Variants in PTPRG observed in about 807,000 individuals in gnomAD.
PTPRG encodes receptor-type tyrosine-protein phosphatase gamma.
PTPRG carries 102 observed loss-of-function variants against 165.3 expected under a neutral mutation model. The ratio of observed to expected loss-of-function variants is 0.62; its 90% CI spans 0.53 to 0.73. The LOEUF (loss-of-function observed/expected upper bound fraction) is 0.73. PTPRG is among the 30% of genes least tolerant of loss of function. PTPRG has a pLI of 0.00. For missense variants in PTPRG, 1,866 were observed against 1,861.4 expected, an observed-to-expected ratio of 1.00 and a Z score of -0.05; for synonymous variants, 675 against 669.5, an observed-to-expected ratio of 1.01 and a Z score of -0.13.
chr3:62,225,811 C>A (rs572365819), intron 13 of PTPRG, among the ~76,000 whole-genome samples: 1 of 151,880 alleles, frequency 6.6e-6, no homozygotes, highest in African/African-American at 2.4e-5. Context: ...CCCACCACCA[C>A]GCCCAGCTAA....
Position 61,898,017 on chromosome 3 carries a change from T to C in PTPRG, c.191-91608T>C, listed in dbSNP as rs144757516. Among the ~76,000 whole-genome samples, 497 of 152,322 alleles carry C rather than the reference T, an allele frequency of 3.3e-3. 2 individuals carry two copies. Among genetic ancestry groups the C allele is most frequent in the African/African-American group, 9.7e-3 (402 of 41,576 alleles). On this transcript the variant is annotated intron_variant, in intron 2 of 29. Transcript: ENST00000474889. ...AAACAGAGATAGTTTTATTTCTTCT[T>C]TTTTTCTTTCTGTATGACTTTACTT...
intron 4 of PTPRG, among the ~76,000 whole-genome samples, chr3:62,068,849 G>C (rs1482873721): frequency 1.3e-5 from 2 of 152,156 alleles, no homozygotes; most frequent in Non-Finnish European, 1.5e-5. Context: ...ATAATTCCCT[G>C]TTACAGGGCA....
At chr3:61,821,416 G>T (rs373090192) in intron 2 of PTPRG, among the ~76,000 whole-genome samples, 1 of 152,226 alleles carries the variant, frequency 6.6e-6, no homozygotes, top group African/African-American at 2.4e-5. Context: ...TGATCCACCC[G>T]CCTCGGCCTC....
chr3:62,060,683 A>T (rs573142695), intron 4 of PTPRG, among the ~76,000 whole-genome samples: 1 of 152,362 alleles, frequency 6.6e-6, no homozygotes, highest in South Asian at 2.1e-4. Flanking sequence ...AAATATTTAC[A>T]AAAGAAATTC....
chr3:61,575,983 G>T (rs1700166531), intron 1 of PTPRG, among the ~76,000 whole-genome samples: 1 of 152,196 alleles, frequency 6.6e-6, no homozygotes, highest in Non-Finnish European at 1.5e-5. Flanking sequence ...TGAAACAAAA[G>T]TGTGCCTAAA....
chr3:61,808,051 G>A (rs558336171), intron 2 of PTPRG, among the ~76,000 whole-genome samples: 5 of 152,164 alleles, frequency 3.3e-5, no homozygotes, highest in Non-Finnish European at 7.3e-5. Context: ...CTGACTCTGT[G>A]TAATCCTATC....
chr3:61,908,740 C>G (rs2038722001), intron 2 of PTPRG, among the ~76,000 whole-genome samples: 1 of 152,050 alleles, frequency 6.6e-6, no homozygotes, highest in African/African-American at 2.4e-5. Context: ...AAGTTACCAC[C>G]AATCTACATA....
At chr3:62,016,900 C>T (rs763713962) in intron 4 of PTPRG, among the ~76,000 whole-genome samples, 1 of 152,186 alleles carries the variant, frequency 6.6e-6, no homozygotes, top group Non-Finnish European at 1.5e-5. Context: ...TCATTTCATG[C>T]TCTCTCCTCT....
At chr3:62,265,894 T>TACACACAC (rs1250968284) in intron 17 of PTPRG, among the ~76,000 whole-genome samples, 1 of 26,476 alleles carries the variant, frequency 3.8e-5, no homozygotes, top group African/African-American at 1.5e-4. Flanking sequence ...CTGTGCCTTA[T>TACACACAC]ATACACACAC....
At chr3:62,048,825 C>T (rs1700378062) in intron 4 of PTPRG, among the ~76,000 whole-genome samples, 2 of 152,268 alleles carry the variant, frequency 1.3e-5, no homozygotes, top group South Asian at 2.1e-4. Context: ...TTTTTCCCCT[C>T]CTGCGAGGAA....
At chr3:61,713,327 A>ATTTTTTTTTTTTTTTTTTTT (rs556907427) in intron 1 of PTPRG, among the ~76,000 whole-genome samples, 3 of 135,504 alleles carry the variant, frequency 2.2e-5, no homozygotes, top group Non-Finnish European at 4.8e-5. Flanking sequence ...CGCTCAGCTA[A>ATTTTTTTTTTTTTTTTTTTT]TTTTTTTTTT....
rs564890352 is a variant in PTPRG at position 61,696,223 on chromosome 3, C to T, written c.86-52655C>T. ...ATCTATTAAAAAATTCTAGCCAGGCCGGGCGCGGTGACTCACGCCTATAAT... is the reference window on the plus strand; with the variant it reads ...ATCTATTAAAAAATTCTAGCCAGGCTGGGCGCGGTGACTCACGCCTATAAT... On this transcript the variant is annotated intron_variant, in intron 1 of 29. Transcript: ENST00000474889. Among the ~76,000 whole-genome samples, 103 of 152,230 alleles carry T rather than the reference C, an allele frequency of 6.8e-4. 1 individual carries two copies. The highest frequency in any genetic ancestry group is 1.8e-3 in the African/African-American group (76 of 41,524).
At chr3:62,275,333 C>T (rs1191520741) in intron 23 of PTPRG, among the ~76,000 whole-genome samples, 6 of 105,942 alleles carry the variant, frequency 5.7e-5, no homozygotes, top group Admixed American at 3.4e-4. Flanking sequence ...TGTAGACTCA[C>T]GTAGGTCTTT....
chr3:61,985,144 C>T (rs1387596261), intron 2 of PTPRG, among the ~76,000 whole-genome samples: 1 of 152,216 alleles, frequency 6.6e-6, no homozygotes, highest in East Asian at 1.9e-4. Context: ...TTCTTCTTGC[C>T]AGAGGGGCGA....
intron 28 of PTPRG, among the ~76,000 whole-genome samples, chr3:62,288,453 T>G (rs1235839822): frequency 6.6e-6 from 1 of 152,060 alleles, no homozygotes; most frequent in Non-Finnish European, 1.5e-5. Context: ...GGCGGGCAGA[T>G]CACCAGGTCA....
chr3:61,923,390 A>C (rs2039128378), intron 2 of PTPRG, among the ~76,000 whole-genome samples: 1 of 151,590 alleles, frequency 6.6e-6, no homozygotes, highest in Non-Finnish European at 1.5e-5. Context: ...AAAAGCAGAC[A>C]CTCTTTTTTT....
chr3:61,601,896 A>G (rs9862251), intron 1 of PTPRG, among the ~76,000 whole-genome samples: 17,795 of 152,220 alleles, frequency 0.12, 1,162 homozygotes, highest in African/African-American at 0.17. Flanking sequence ...GTAAAGTTAA[A>G]AGTTAGGAGC....
chr3:61,824,468 G>A (rs2036050871), intron 2 of PTPRG, among the ~76,000 whole-genome samples: 1 of 152,216 alleles, frequency 6.6e-6, no homozygotes, highest in Non-Finnish European at 1.5e-5. Flanking sequence ...CCTTGCAGCA[G>A]GGAAAACCAT....
intron 2 of PTPRG, among the ~76,000 whole-genome samples, chr3:61,803,489 C>A (rs1383571710): frequency 7.9e-6 from 1 of 126,108 alleles, no homozygotes; most frequent in Non-Finnish European, 1.6e-5. Flanking sequence ...TCATGTTGTC[C>A]ATGTTGTCCA....
Sources: gnomAD v4.1 joint callset for allele counts (sites outside exome capture counted in the v4.1 genomes callset) on GRCh38, gnomAD v4.1.1 for gene constraint, MANE v1.5 for transcripts, NCBI Gene and HGNC (gene_info 2026-07-23, HGNC 2026-07-21) for gene names.